Variants in GRK4 observed in about 807,000 individuals in gnomAD.
GRK4 encodes the protein G protein-coupled receptor kinase 2-like.
GRK4 carries 73 observed loss-of-function variants against 77.9 expected under a neutral mutation model. That is an observed-to-expected ratio of 0.94 (90% CI 0.78 to 1.14). GRK4 has a LOEUF of 1.14. Among genes scored for constraint, GRK4 ranks in the 50% most tolerant of loss-of-function variants. The pLI, the probability that GRK4 is intolerant of heterozygous loss-of-function variation, is 0.00. For synonymous variants in GRK4, 257 were observed against 254.4 expected (o/e 1.01, Z -0.10); for missense variants, 729 against 700.2 (o/e 1.04, Z -0.46).
rs572255588 is a variant in GRK4, at chr4:3,020,838, C to T, written c.932+1007C>T. On this transcript the variant is annotated intron_variant, in intron 9 of 15. Coordinates refer to ENST00000398052, the MANE Select transcript of GRK4 (RefSeq NM_182982.3). Reference sequence around the variant, plus strand: ...ATATTCAGAAAAAAAAGGATGCTTGCGTCTGTATTGAACATGTAGACTTTG... The same window carrying T: ...ATATTCAGAAAAAAAAGGATGCTTGTGTCTGTATTGAACATGTAGACTTTG... 7.9e-5 allele frequency among the ~76,000 whole-genome samples: 12 copies of T among 152,160 alleles called. No individual in the cohort carries two copies. The South Asian group carries it at 1.5e-3, about 18-fold the overall frequency.
At chr4:3,022,292 T>C (rs957122059) in intron 9 of GRK4, 122 bp from the exon 10 acceptor site, 3 of 810,056 alleles carry the variant, frequency 3.7e-6, no homozygotes, top group Admixed American at 4.7e-5. Flanking sequence ...CCGTGGCTCA[T>C]GAAGGGCAGT....
intron 1 of GRK4, among the ~76,000 whole-genome samples, chr4:2,982,377 G>C (rs1277665628): frequency 6.6e-6 from 1 of 152,270 alleles, no homozygotes; most frequent in African/African-American, 2.4e-5. Context: ...TAGCAGCCAG[G>C]CTGCCATGTT....
intron 4 of GRK4, among the ~76,000 whole-genome samples, chr4:2,998,965 A>G (rs1320413923): frequency 6.6e-6 from 1 of 152,220 alleles, no homozygotes; most frequent in Non-Finnish European, 1.5e-5. Context: ...TTCAAAACTT[A>G]GTACAAAGCT....
chr4:3,015,257 G>A (rs973407478), intron 8 of GRK4, among the ~76,000 whole-genome samples: 14 of 152,190 alleles, frequency 9.2e-5, no homozygotes, highest in Non-Finnish European at 2.9e-5. Context: ...GAGTGTGAAC[G>A]AGAATTTATA....
intron 8 of GRK4, 132 bp downstream of exon 8, chr4:3,013,960 T>C (rs893031698): frequency 2.0e-5 from 19 of 968,112 alleles, no homozygotes; most frequent in Non-Finnish European, 2.6e-5. Flanking sequence ...ATGTGGGGGT[T>C]TGCTCTTTTT....
At chr4:2,972,705 GC>G (rs1381944209) in intron 1 of GRK4, among the ~76,000 whole-genome samples, 1 of 152,066 alleles carries the variant, frequency 6.6e-6, no homozygotes, top group Non-Finnish European at 1.5e-5. Flanking sequence ...CACAGTGTGT[GC>G]GCTGCTGTGT....
chr4:2,973,908 CCT>C (rs1720347612), intron 1 of GRK4, among the ~76,000 whole-genome samples: 1 of 152,212 alleles, frequency 6.6e-6, no homozygotes, highest in African/African-American at 2.4e-5. Flanking sequence ...CCTCATCCGC[CCT>C]CTCTCACTCT....
At chr4:2,967,665 C>T (rs1718144499) in intron 1 of GRK4, among the ~76,000 whole-genome samples, 1 of 152,174 alleles carries the variant, frequency 6.6e-6, no homozygotes, top group Non-Finnish European at 1.5e-5. Flanking sequence ...TCCCAAAGTG[C>T]TGGGATTACA....
intron 13 of GRK4, among the ~76,000 whole-genome samples, chr4:3,036,113 G>A (rs972475181): frequency 1.2e-4 from 18 of 152,194 alleles, no homozygotes; most frequent in Admixed American, 7.9e-4. Flanking sequence ...GAGCCACTAC[G>A]CCTGGCCACC....
In GRK4 at chr4:2,992,326, A is replaced by G. The variant is rs200255864; in HGVS notation, c.339+34A>G. ...TCTTCTTTAGAATAAAAATTTGTAGATAAATAATTAGAGTGCATAGCCATT... is the reference window on the plus strand; with the variant it reads ...TCTTCTTTAGAATAAAAATTTGTAGGTAAATAATTAGAGTGCATAGCCATT... On this transcript the variant is annotated intron_variant, in intron 4 of 15. Transcript: ENST00000398052. 350 of 1,397,514 alleles carry G rather than the reference A, an allele frequency of 2.5e-4. 3 individuals are homozygous for G. The highest frequency in any genetic ancestry group is 1.5e-3 in the Admixed American group (91 of 59,280). The allele number at this position is 1,397,514 out of a possible 1,614,324, so 86.6% of individuals were successfully genotyped here. A position where few individuals can be genotyped will look rare whatever the true frequency, so the allele number is the denominator to read the frequency against.
rs533748398 is a variant in GRK4, at chr4:3,025,607, T to C, written c.971-2305T>C. Among the ~76,000 whole-genome samples the C allele has an allele frequency of 3.9e-4, 59 of 151,940 alleles. 1 individual carries two copies. In the Middle Eastern group the frequency reaches 0.01, roughly 26 times the overall value. On this transcript the variant is annotated intron_variant, in intron 10 of 15. Transcript: ENST00000398052. ...CGGGGTTTCACCGTGTTAGCCAGGATGGTCTCGATCTCCTGACCTTGTGAT... is the reference window on the plus strand; with the variant it reads ...CGGGGTTTCACCGTGTTAGCCAGGACGGTCTCGATCTCCTGACCTTGTGAT...
intron 12 of GRK4, among the ~76,000 whole-genome samples, chr4:3,029,667 C>T (rs547929513): frequency 1.3e-5 from 2 of 151,532 alleles, no homozygotes; most frequent in South Asian, 4.2e-4. Flanking sequence ...CCTGGCCCAG[C>T]AGGGAGGACA....
At chr4:3,020,250 C>T (rs1396128037) in intron 9 of GRK4, among the ~76,000 whole-genome samples, 6 of 152,166 alleles carry the variant, frequency 3.9e-5, no homozygotes, top group Non-Finnish European at 7.3e-5. Context: ...AGGTGATCCA[C>T]GGGCCTCAGC....
chr4:2,981,734 G>C (rs775346528), intron 1 of GRK4, among the ~76,000 whole-genome samples: 5 of 152,228 alleles, frequency 3.3e-5, no homozygotes, highest in Non-Finnish European at 7.3e-5. Context: ...CGGCTGTCAG[G>C]CTTCAGTCTA....
At chr4:2,992,797 A>G (rs1309786479) in intron 4 of GRK4, among the ~76,000 whole-genome samples, 1 of 152,022 alleles carries the variant, frequency 6.6e-6, no homozygotes, top group African/African-American at 2.4e-5. Context: ...CCTGGGCAAT[A>G]TGGCAAAACC....
In GRK4 at chr4:3,035,505, G is replaced by A. The variant is rs1192381296; in HGVS notation, c.1389G>A (p.Glu463=). 9 of 1,613,734 alleles carry A rather than the reference G, an allele frequency of 5.6e-6. No individual in the cohort carries two copies. The highest frequency in any genetic ancestry group is 7.6e-6 in the Non-Finnish European group (9 of 1,179,912). ...NFRRLEANML[E]PPFCPDPHAV... is the part of the protein sequence containing the mutation. The stretch of plus-strand genomic sequence containing the variant: ...GGAGGCTGGAGGCAAACATGCTGGA[G>A]CCCCCTTTCTGTCCTGATGTAAGTG... The change falls in exon 13 of 16, where the codon GAG becomes GAA. Residue 463 remains glutamate, a synonymous_variant. Coordinates refer to ENST00000398052, the MANE Select transcript of GRK4 (RefSeq NM_182982.3).
At chr4:3,032,179 G>A (rs911374316) in intron 12 of GRK4, among the ~76,000 whole-genome samples, 1 of 152,096 alleles carries the variant, frequency 6.6e-6, no homozygotes, top group East Asian at 1.9e-4. Flanking sequence ...AAACAGAAAT[G>A]ACTGCAGTGA....
chr4:2,985,139 G>T (rs1363042398), intron 2 of GRK4, among the ~76,000 whole-genome samples: 1 of 152,022 alleles, frequency 6.6e-6, no homozygotes. Flanking sequence ...CAGGCCGGGC[G>T]CAGTGGCTCA....
chr4:2,993,547 G>A (rs992488710), intron 4 of GRK4, among the ~76,000 whole-genome samples: 10 of 152,090 alleles, frequency 6.6e-5, no homozygotes, highest in Non-Finnish European at 1.3e-4. Context: ...GGTGGTGCAT[G>A]CCTGTAATCC....
Sources: allele counts gnomAD v4.1 joint callset (sites outside exome capture counted in the v4.1 genomes callset), GRCh38; gene constraint gnomAD v4.1.1; transcripts MANE v1.5; gene names NCBI Gene and HGNC (gene_info 2026-07-23, HGNC 2026-07-21).